CLXN: variants seen among roughly 807,000 people sequenced by gnomAD.
CLXN encodes calaxin.
chr8:48,729,593 G>A, the CLXN span: 1 of 885,716 alleles, frequency 1.1e-6, no homozygotes, highest in South Asian at 2.0e-5. Context: ...AATATGTTGA[G>A]GAGCATAATT....
chr8:48,732,630 A>G, the CLXN span, among the ~76,000 whole-genome samples: 2 of 152,220 alleles, frequency 1.3e-5, no homozygotes, highest in Non-Finnish European at 2.9e-5. Context: ...TTCTATTTAC[A>G]TACTCAGAAG....
chr8:48,723,182 G>A, the CLXN span, among the ~76,000 whole-genome samples: 1 of 152,164 alleles, frequency 6.6e-6, no homozygotes, highest in East Asian at 1.9e-4. Context: ...GGTGGTGTAT[G>A]TGTTAATTAA....
chr8:48,720,965 C>T, the CLXN span, among the ~76,000 whole-genome samples: 2 of 152,054 alleles, frequency 1.3e-5, no homozygotes, highest in Non-Finnish European at 2.9e-5. Context: ...CAGGTTCCCC[C>T]AATAAAGCAT....
chr8:48,722,061 A>G, the CLXN span, among the ~76,000 whole-genome samples: 1 of 152,222 alleles, frequency 6.6e-6, no homozygotes, highest in African/African-American at 2.4e-5. Context: ...TAAAATATAT[A>G]AGGAATACCT....
At chr8:48,731,461 T>A in the CLXN span, 2 of 1,612,984 alleles carry the variant, frequency 1.2e-6, no homozygotes, top group Non-Finnish European at 8.5e-7. Flanking sequence ...TCCCACCAAG[T>A]CATAAAAAAG....
the CLXN span, among the ~76,000 whole-genome samples, chr8:48,718,251 T>C: frequency 1.3e-5 from 2 of 152,080 alleles, no homozygotes; most frequent in Non-Finnish European, 2.9e-5. Flanking sequence ...TGAGAAATGG[T>C]CAATTCAACA....
At chr8:48,729,509 C>T in the CLXN span, among the ~76,000 whole-genome samples, 4 of 148,544 alleles carry the variant, frequency 2.7e-5, no homozygotes, top group Non-Finnish European at 3.0e-5. Flanking sequence ...GGAGACAGAG[C>T]GAGACCCTGT....
the CLXN span, among the ~76,000 whole-genome samples, chr8:48,725,044 G>A: frequency 2.6e-5 from 4 of 152,184 alleles, no homozygotes; most frequent in Admixed American, 6.5e-5. Flanking sequence ...CTCCAGCCTG[G>A]TGGCAGAGAC....
At chr8:48,729,547 A>C in the CLXN span, among the ~76,000 whole-genome samples, 1 of 152,218 alleles carries the variant, frequency 6.6e-6, no homozygotes. Context: ...TGCTAGAAAA[A>C]TAAGAGGTTA....
the CLXN span, chr8:48,724,484 C>G: frequency 3.3e-6 from 1 of 305,584 alleles, no homozygotes; most frequent in Non-Finnish European, 6.0e-6. Flanking sequence ...TTATGTGCTT[C>G]GACAGATAGT....
chr8:48,728,574 C>G, the CLXN span, among the ~76,000 whole-genome samples: 1 of 152,140 alleles, frequency 6.6e-6, no homozygotes, highest in Non-Finnish European at 1.5e-5. Flanking sequence ...GCCTTGGTTT[C>G]CTCATCTGGA....
At chr8:48,717,211 A>G in the CLXN span, among the ~76,000 whole-genome samples, 1 of 152,188 alleles carries the variant, frequency 6.6e-6, no homozygotes, top group Non-Finnish European at 1.5e-5. Context: ...GTCAACCCCA[A>G]GAAGGGTACA....
At chr8:48,716,466 C>T in the CLXN span, 9,067 of 152,560 alleles carry the variant, frequency 0.059, 385 homozygotes, top group Admixed American at 0.096. Context: ...GCTCCTCAAG[C>T]GCGGACAGAG....
the CLXN span, among the ~76,000 whole-genome samples, chr8:48,733,968 T>C: frequency 6.6e-6 from 1 of 152,136 alleles, no homozygotes; most frequent in Non-Finnish European, 1.5e-5. Flanking sequence ...AGAAAAACAA[T>C]AACAGAACAA....
chr8:48,735,211 C>T, the CLXN span: 2 of 1,594,058 alleles, frequency 1.3e-6, no homozygotes, highest in Non-Finnish European at 1.7e-6. Flanking sequence ...CTACCGAGAC[C>T]CTCGCGGGAC....
the CLXN span, among the ~76,000 whole-genome samples, chr8:48,717,293 G>A: frequency 2.0e-5 from 3 of 152,176 alleles, no homozygotes; most frequent in Non-Finnish European, 2.9e-5. Context: ...AGAGAAAGGT[G>A]ACATCATATG....
At chr8:48,719,591 C>G in the CLXN span, among the ~76,000 whole-genome samples, 1 of 152,144 alleles carries the variant, frequency 6.6e-6, no homozygotes, top group African/African-American at 2.4e-5. Flanking sequence ...GAATTCATCC[C>G]TGGGATGCAA....
chr8:48,718,726 T>A, the CLXN span, among the ~76,000 whole-genome samples: 1 of 151,822 alleles, frequency 6.6e-6, no homozygotes, highest in Non-Finnish European at 1.5e-5. Context: ...AAAGAGGAAA[T>A]CAAAGGGAAT....
At chr8:48,723,239 C>T in the CLXN span, among the ~76,000 whole-genome samples, 5 of 152,086 alleles carry the variant, frequency 3.3e-5, no homozygotes, top group Non-Finnish European at 7.4e-5. Flanking sequence ...ATAAAAACAT[C>T]AAGTTGTATA....
Sources: gnomAD v4.1 joint callset for allele counts (sites outside exome capture counted in the v4.1 genomes callset) on GRCh38, gnomAD v4.1.1 for gene constraint, MANE v1.5 for transcripts, NCBI Gene and HGNC (gene_info 2026-07-23, HGNC 2026-07-21) for gene names.